The following DCAF8L2 variants were observed in gnomAD, a reference collection of about 807,000 sequenced individuals.
DCAF8L2 encodes DDB1- and CUL4-associated factor 8-like protein 2.
For missense variants in DCAF8L2, 430 were observed against 490.7 expected, an observed-to-expected ratio of 0.88 and a Z score of 1.17; for synonymous variants, 200 against 190.9, an observed-to-expected ratio of 1.05 and a Z score of -0.39.
chrX:27,697,093 TG>T (rs748775314), intron 3 of DCAF8L2, among the ~76,000 whole-genome samples: 1 of 111,219 alleles, frequency 9.0e-6, no homozygotes, highest in African/African-American at 3.3e-5. Context: ...CCCTGGTACT[TG>T]GGTAAAAGCA....
chrX:27,574,219 A>G, the DCAF8L2 span, among the ~76,000 whole-genome samples: 1 of 110,742 alleles, frequency 9.0e-6, no homozygotes, highest in Admixed American at 9.6e-5. Flanking sequence ...TGAAAAATCT[A>G]CTCATGGTCA....
intron 2 of DCAF8L2, among the ~76,000 whole-genome samples, chrX:27,675,418 C>T (rs1413766969): frequency 1.8e-5 from 2 of 111,833 alleles, no homozygotes; most frequent in East Asian, 5.6e-4. Flanking sequence ...GGCAAATAAT[C>T]ATGAAAACAG....
the DCAF8L2 span, chrX:27,518,798 A>G: frequency 2.2e-6 from 1 of 447,128 alleles, no homozygotes; most frequent in African/African-American, 2.5e-5. Flanking sequence ...AAGGGAACTG[A>G]ATTGTGGCTA....
chrX:27,624,188 G>C (rs1927909809), intron 1 of DCAF8L2, among the ~76,000 whole-genome samples: 1 of 111,516 alleles, frequency 9.0e-6, no homozygotes, highest in South Asian at 3.7e-4. Flanking sequence ...TAATATCAGG[G>C]ATTATCAGTC....
At chrX:27,616,504 G>T (rs1280356360) in intron 1 of DCAF8L2, among the ~76,000 whole-genome samples, 7 of 111,441 alleles carry the variant, frequency 6.3e-5, no homozygotes, top group Non-Finnish European at 1.1e-4. Flanking sequence ...ATTCAAAAAA[G>T]AGCAATTCAA....
the DCAF8L2 span, among the ~76,000 whole-genome samples, chrX:27,502,334 AAATATATATAT>A: frequency 1.8e-3 from 46 of 24,965 alleles, no homozygotes; most frequent in African/African-American, 6.0e-3. Context: ...AAAAAAAAAA[AAATATATATAT>A]ATATATATAT....
chrX:27,619,277 A>T (rs1927634665), intron 1 of DCAF8L2, among the ~76,000 whole-genome samples: 1 of 111,568 alleles, frequency 9.0e-6, no homozygotes, highest in Non-Finnish European at 1.9e-5. Flanking sequence ...AACAGGGATA[A>T]GCCTTTCAGC....
chrX:27,657,340 C>A (rs765663070), intron 2 of DCAF8L2, among the ~76,000 whole-genome samples: 437 of 111,289 alleles, frequency 3.9e-3, no homozygotes, highest in Middle Eastern at 9.4e-3. Flanking sequence ...TTACAGTCAT[C>A]ATTTCATTTG....
the DCAF8L2 span, among the ~76,000 whole-genome samples, chrX:27,515,516 G>A: frequency 9.0e-6 from 1 of 111,509 alleles, no homozygotes; most frequent in Non-Finnish European, 1.9e-5. Context: ...TTGAACTCCA[G>A]CCTGGGCAAC....
At chrX:27,520,363 A>G in the DCAF8L2 span, among the ~76,000 whole-genome samples, 1 of 112,008 alleles carries the variant, frequency 8.9e-6, no homozygotes, top group African/African-American at 3.2e-5. Context: ...GAGCTAAATG[A>G]TTTCTGTCAA....
the DCAF8L2 span, among the ~76,000 whole-genome samples, chrX:27,560,689 A>G: frequency 8.9e-6 from 1 of 112,385 alleles, no homozygotes; most frequent in Non-Finnish European, 1.9e-5. Flanking sequence ...AGTTCTGGCT[A>G]TATGGACACT....
chrX:27,613,790 C>G (rs1011887147), intron 1 of DCAF8L2, among the ~76,000 whole-genome samples: 2 of 110,665 alleles, frequency 1.8e-5, no homozygotes, highest in African/African-American at 6.6e-5. Flanking sequence ...CCTTGCATCC[C>G]AGGGACGAAG....
the DCAF8L2 span, among the ~76,000 whole-genome samples, chrX:27,508,602 G>C: frequency 1.9e-5 from 2 of 107,062 alleles, no homozygotes; most frequent in African/African-American, 6.8e-5. Context: ...GAACATGTGT[G>C]TCCTACATCT....
At chrX:27,648,503 CAT>C (rs200073860) in intron 2 of DCAF8L2, among the ~76,000 whole-genome samples, 6 of 92,379 alleles carry the variant, frequency 6.5e-5, no homozygotes, top group African/African-American at 2.3e-4. Flanking sequence ...GTTAAGCAAA[CAT>C]ATATATATAT....
chrX:27,628,268 T>C (rs1348844482), intron 1 of DCAF8L2, among the ~76,000 whole-genome samples: 6 of 112,003 alleles, frequency 5.4e-5, no homozygotes, highest in Non-Finnish European at 9.4e-5. Flanking sequence ...GGATTTTCTT[T>C]TTTTTAAAGC....
chrX:27,619,050 A>C (rs1184027377), intron 1 of DCAF8L2, among the ~76,000 whole-genome samples: 2 of 92,181 alleles, frequency 2.2e-5, no homozygotes, highest in Non-Finnish European at 4.4e-5. Context: ...TATCTATCTT[A>C]TATCTATCTA....
chrX:27,657,044 T>C (rs1205404874), intron 2 of DCAF8L2, among the ~76,000 whole-genome samples: 1 of 110,720 alleles, frequency 9.0e-6, no homozygotes, highest in East Asian at 2.9e-4. Flanking sequence ...CTGGGTAGAA[T>C]ACAAGCAGAC....
chrX:27,642,450 C>G (rs1452019665), intron 2 of DCAF8L2, among the ~76,000 whole-genome samples: 1 of 110,853 alleles, frequency 9.0e-6, no homozygotes, highest in Non-Finnish European at 1.9e-5. Flanking sequence ...TTTCCACTTG[C>G]TTCTTTCAGA....
At chrX:27,686,447 G>C (rs1288951484) in intron 3 of DCAF8L2, among the ~76,000 whole-genome samples, 2 of 110,136 alleles carry the variant, frequency 1.8e-5, no homozygotes, top group African/African-American at 6.6e-5. Context: ...GGAACTGGGG[G>C]TCATTATATT....
Sources: allele counts gnomAD v4.1 joint callset (sites outside exome capture counted in the v4.1 genomes callset), GRCh38; gene constraint gnomAD v4.1.1; transcripts MANE v1.5; gene names NCBI Gene and HGNC (gene_info 2026-07-23, HGNC 2026-07-21).